MIPOL1: variants seen among roughly 807,000 people sequenced by gnomAD.
The protein encoded by MIPOL1 is mirror-image polydactyly 1.
Under a neutral mutation model 60.9 loss-of-function variants are expected in MIPOL1, and 57 were observed. The observed-to-expected ratio is 0.94, with a 90% CI of 0.76 to 1.17. The LOEUF is 1.17. MIPOL1 is among the 50% of genes most tolerant of loss of function. MIPOL1 has a pLI of 0.00. For synonymous variants in MIPOL1, 179 were observed against 168.8 expected (o/e 1.06, Z -0.47); for missense variants, 551 against 511.6 (o/e 1.08, Z -0.74).
chr14:37,498,388 C>T (rs534017759), intron 11 of MIPOL1, among the ~76,000 whole-genome samples: 1 of 152,166 alleles, frequency 6.6e-6, no homozygotes, highest in African/African-American at 2.4e-5. Flanking sequence ...TAAGGTTTAG[C>T]TTTTAGTTTG....
intron 9 of MIPOL1, among the ~76,000 whole-genome samples, chr14:37,319,986 T>A (rs1486456950): frequency 1.3e-5 from 2 of 152,168 alleles, no homozygotes; most frequent in Admixed American, 1.3e-4. Context: ...TAATAATGTG[T>A]CTTTTTCATT....
chr14:37,479,062 G>A (rs1480196563), intron 11 of MIPOL1, among the ~76,000 whole-genome samples: 1 of 152,094 alleles, frequency 6.6e-6, no homozygotes, highest in African/African-American at 2.4e-5. Flanking sequence ...AATAGCAGGG[G>A]ACGTCAATAT....
At chr14:37,326,661 TC>T (rs1400564202) in intron 9 of MIPOL1, among the ~76,000 whole-genome samples, 1 of 152,150 alleles carries the variant, frequency 6.6e-6, no homozygotes, top group Non-Finnish European at 1.5e-5. Context: ...TGAGTGGAAA[TC>T]CATGTTGCCG....
At chr14:37,332,710 GT>G (rs200681032) in intron 9 of MIPOL1, among the ~76,000 whole-genome samples, 5,456 of 134,684 alleles carry the variant, frequency 0.041, 135 homozygotes, top group Middle Eastern at 0.071. Context: ...AATTTTAGTT[GT>G]CAATCTGTGG....
chr14:37,270,630 G>T, intron 6 of MIPOL1, 105 bp downstream of exon 6: 1 of 475,878 alleles, frequency 2.1e-6, no homozygotes, highest in Non-Finnish European at 3.4e-6. Context: ...GCCAAAGGAG[G>T]GGAAGCTCTC....
rs570388388 is a variant in MIPOL1, at chr14:37,523,532, T to C, written c.1263-23373T>C. 68 of 430,340 alleles carry C rather than the reference T, an allele frequency of 1.6e-4. No homozygotes were observed. In the South Asian group the frequency reaches 4.2e-3, roughly 27 times the overall value. 26.7% of individuals were successfully genotyped at this position (430,340 alleles called of 1,614,324 possible). A position where few individuals can be genotyped will look rare whatever the true frequency, so the allele number is the denominator to read the frequency against. On this transcript the variant is annotated intron_variant, in intron 12 of 12. Transcript: ENST00000684589. Reference sequence around the variant, plus strand: ...AAAGATGAAAGAGAAAAATTCCTAATGGATAAAAGAAGAAAGATTGTTGCA... The same window carrying C: ...AAAGATGAAAGAGAAAAATTCCTAACGGATAAAAGAAGAAAGATTGTTGCA...
chr14:37,350,409 TC>T, intron 9 of MIPOL1, among the ~76,000 whole-genome samples: 1 of 151,866 alleles, frequency 6.6e-6, no homozygotes, highest in Non-Finnish European at 1.5e-5. Context: ...TCTTTTTCTT[TC>T]TTTCCTATTT....
intron 9 of MIPOL1, among the ~76,000 whole-genome samples, chr14:37,357,584 G>C (rs1403378901): frequency 6.6e-6 from 1 of 151,932 alleles, no homozygotes; most frequent in Non-Finnish European, 1.5e-5. Context: ...CAATTATTTG[G>C]TCTTTTTAAA....
intron 12 of MIPOL1, among the ~76,000 whole-genome samples, chr14:37,526,369 C>CTT (rs1191140443): frequency 1.2e-4 from 16 of 128,198 alleles, no homozygotes; most frequent in African/African-American, 1.7e-4. Context: ...TACTTCTTTT[C>CTT]TTTTTTTTTT....
At chr14:37,268,537 T>C in intron 4 of MIPOL1, 121 bp from the exon 5 acceptor site, 1 of 745,338 alleles carries the variant, frequency 1.3e-6, no homozygotes, top group Non-Finnish European at 2.1e-6. Flanking sequence ...AGCCCATCTC[T>C]TTTCCTTTCC....
chr14:37,219,534 T>C (rs914962664), intron 1 of MIPOL1: 3 of 152,060 alleles, frequency 2.0e-5, no homozygotes, highest in African/African-American at 7.2e-5. Context: ...CTGCCTAAAA[T>C]TTTTTTAATG....
intron 7 of MIPOL1, among the ~76,000 whole-genome samples, chr14:37,286,766 G>GA (rs1182453622): frequency 1.3e-5 from 2 of 151,044 alleles, no homozygotes; most frequent in Non-Finnish European, 2.9e-5. Flanking sequence ...TAAACTCATT[G>GA]AAAAAAACAA....
rs183335893 is a variant in MIPOL1 at position 37,247,594 on chromosome 14, A to G, written c.-60-235A>G. Among the ~76,000 whole-genome samples the G allele has an allele frequency of 1.5e-4, 23 of 152,258 alleles. No homozygotes were observed. In the East Asian group the frequency reaches 4.4e-3, roughly 29 times the overall value. ...ATGGTTCTCTACCCAAATCAGCATG[A>G]ATGTCTAAAAAACTTAACCTGAACT... is the stretch of plus-strand genomic sequence containing the variant. On this transcript the variant is annotated intron_variant, in intron 2 of 12. Transcript: ENST00000684589.
intron 7 of MIPOL1, among the ~76,000 whole-genome samples, chr14:37,286,022 G>A (rs2084534634): frequency 6.6e-6 from 1 of 152,088 alleles, no homozygotes; most frequent in South Asian, 2.1e-4. Flanking sequence ...TCATAGTTTT[G>A]TTGTTTCTTC....
chr14:37,302,232 C>G (rs1305919541), intron 7 of MIPOL1, among the ~76,000 whole-genome samples: 2 of 145,394 alleles, frequency 1.4e-5, no homozygotes, highest in African/African-American at 5.1e-5. Flanking sequence ...TGCTGTATAT[C>G]CAAGGAATAT....
At chr14:37,261,709 T>A (rs1375430832) in intron 3 of MIPOL1, among the ~76,000 whole-genome samples, 1 of 152,172 alleles carries the variant, frequency 6.6e-6, no homozygotes, top group South Asian at 2.1e-4. Context: ...TTGTATATTT[T>A]GTGCTAACAC....
At position 37,548,074 on chromosome 14, in the gene MIPOL1, C is replaced by T. The variant is rs1355795878; in HGVS notation, c.*1103C>T. On this transcript the variant is annotated 3_prime_UTR_variant, in exon 13 of 13. Transcript: ENST00000684589. The stretch of plus-strand genomic sequence containing the variant: ...ATTTTTAGATTAGACAGACGAAAGA[C>T]CAAGAGGAAATGACTGTGCCTGGAA... 2 of 151,796 alleles carry T rather than the reference C, an allele frequency of 1.3e-5. No homozygotes were observed. The highest frequency in any genetic ancestry group is 2.4e-5 in the African/African-American group (1 of 41,358). The allele number at this position is 151,796 out of a possible 1,614,324, so 9.4% of individuals were successfully genotyped here.
chr14:37,364,539 G>A (rs973031540), intron 9 of MIPOL1, among the ~76,000 whole-genome samples: 2 of 152,096 alleles, frequency 1.3e-5, no homozygotes, highest in Non-Finnish European at 2.9e-5. Context: ...TTCACTGTAG[G>A]TGTGTAGATT....
chr14:37,201,939 T>C (rs1229940967), intron 1 of MIPOL1, among the ~76,000 whole-genome samples: 3 of 152,270 alleles, frequency 2.0e-5, no homozygotes, highest in South Asian at 4.1e-4. Flanking sequence ...TCAAGCTGTC[T>C]TCCCTGCTGC....
Sources: gnomAD v4.1 joint callset for allele counts (sites outside exome capture counted in the v4.1 genomes callset) on GRCh38, gnomAD v4.1.1 for gene constraint, MANE v1.5 for transcripts, NCBI Gene and HGNC (gene_info 2026-07-23, HGNC 2026-07-21) for gene names.